NALCN: variants seen among roughly 807,000 people sequenced by gnomAD.
NALCN encodes sodium leak channel, non-selective, also known as sodium leak channel NALCN.
NALCN carries 111 observed loss-of-function variants against 225.3 expected under a neutral mutation model. The observed-to-expected ratio is 0.49, with a 90% CI of 0.42 to 0.58. The LOEUF is 0.58. Among genes scored for constraint, NALCN ranks in the 20% least tolerant of loss-of-function variants. The probability of loss-of-function intolerance (pLI) is 0.00; values close to 1 mark genes in which losing one functional copy is unlikely to be tolerated. For missense variants in NALCN, 1,378 were observed against 2,202.4 expected (o/e 0.63, Z 7.49); for synonymous variants, 764 against 769.0 (o/e 0.99, Z 0.11).
chr13:101,301,465 G>A (rs1242642804), intron 7 of NALCN, among the ~76,000 whole-genome samples: 3 of 152,330 alleles, frequency 2.0e-5, no homozygotes, highest in East Asian at 1.9e-4. Flanking sequence ...GCTCATGCCT[G>A]TAATTCCAGC....
At position 101,355,376 on chromosome 13, in the gene NALCN, A is replaced by AG. The variant is rs1245915802; in HGVS notation, c.645-9957_645-9956insC. 2.6e-5 allele frequency among the ~76,000 whole-genome samples: 4 copies of AG among 151,922 alleles called. No homozygotes were observed. In the East Asian group the frequency reaches 7.7e-4, roughly 29 times the overall value. ...GACCTACCAAGCAAATGGAAAGAAAAAAAAAAATCAGGGGTTGCAATCCTA... is the reference window on the plus strand; with the variant it reads ...GACCTACCAAGCAAATGGAAAGAAAAGAAAAAAATCAGGGGTTGCAATCCTA... On this transcript the variant is annotated intron_variant, in intron 6 of 43. Coordinates refer to ENST00000251127, the MANE Select transcript of NALCN (RefSeq NM_052867.4).
chr13:101,071,671 A>G (rs1010184261), intron 37 of NALCN, among the ~76,000 whole-genome samples: 2 of 152,178 alleles, frequency 1.3e-5, no homozygotes, highest in African/African-American at 2.4e-5. Flanking sequence ...TTTTTTCTCC[A>G]TATCAGCCAT....
At chr13:101,113,289 G>A (rs2035541740) in intron 18 of NALCN, among the ~76,000 whole-genome samples, 3 of 152,312 alleles carry the variant, frequency 2.0e-5, no homozygotes, top group African/African-American at 7.2e-5. Flanking sequence ...GGTGGATGCA[G>A]GAGCAAGGCA....
intron 28 of NALCN, among the ~76,000 whole-genome samples, chr13:101,093,737 T>A (rs2139567831): frequency 6.6e-6 from 1 of 152,346 alleles, no homozygotes; most frequent in Middle Eastern, 3.4e-3. Context: ...CAGCTCCCTG[T>A]CTGAATTCTT....
At chr13:101,231,538 A>C (rs1230670504) in intron 12 of NALCN, among the ~76,000 whole-genome samples, 1 of 152,174 alleles carries the variant, frequency 6.6e-6, no homozygotes, top group Admixed American at 6.5e-5. Flanking sequence ...CTAAGAAATA[A>C]AAAAATGCTG....
At position 101,415,303 on chromosome 13, in the gene NALCN, C is replaced by T. The variant is rs569854083; in HGVS notation, c.-40+1010G>A. Among the ~76,000 whole-genome samples the T allele has an allele frequency of 7.9e-5, 12 of 151,114 alleles. No individual in the cohort carries two copies. The South Asian group carries it at 1.7e-3, about 21-fold the overall frequency. ...AGGTGTTATCCACCAACTACTAACA[C>T]GAAGGTCACTGGTCCTCAACCCACA... On this transcript the variant is annotated intron_variant, in intron 1 of 43. Transcript: ENST00000251127.
chr13:101,396,592 C>T (rs2047300297), intron 2 of NALCN, among the ~76,000 whole-genome samples: 1 of 152,008 alleles, frequency 6.6e-6, no homozygotes, highest in Non-Finnish European at 1.5e-5. Context: ...AGATATTTTG[C>T]TGCTAATTCC....
intron 13 of NALCN, among the ~76,000 whole-genome samples, chr13:101,211,335 T>C (rs2140076295): frequency 6.6e-6 from 1 of 152,046 alleles, no homozygotes; most frequent in African/African-American, 2.4e-5. Context: ...CCTGAAAGAG[T>C]ACTCTTCTAG....
At chr13:101,388,738 T>A (rs1000278772) in intron 3 of NALCN, among the ~76,000 whole-genome samples, 1 of 152,242 alleles carries the variant, frequency 6.6e-6, no homozygotes, top group East Asian at 1.9e-4. Flanking sequence ...CTTTATTTAA[T>A]GACTTAAAAA....
chr13:101,256,751 T>C lies in NALCN; in HGVS notation c.1266+1692A>G, dbSNP rs554219525. Among the ~76,000 whole-genome samples the C allele has an allele frequency of 5.2e-4, 74 of 142,170 alleles. 2 individuals are homozygous for C. Among genetic ancestry groups the C allele is most frequent in the African/African-American group, 1.8e-3 (71 of 39,884 alleles). 93.3% of individuals were successfully genotyped at this position (142,170 alleles called of 152,430 possible). ...TTACCTGCAAATATTAGTATCAGTC[T>C]AGGCTTCTTTCTGCTTTTTTTTTTT... On this transcript the variant is annotated intron_variant, in intron 11 of 43. Coordinates refer to ENST00000251127, the MANE Select transcript of NALCN (RefSeq NM_052867.4).
chr13:101,188,899 G>A (rs2039565147), intron 14 of NALCN, among the ~76,000 whole-genome samples: 2 of 152,020 alleles, frequency 1.3e-5, no homozygotes, highest in African/African-American at 2.4e-5. Context: ...TGTTGGCCAG[G>A]CTGATCTTTA....
intron 7 of NALCN, among the ~76,000 whole-genome samples, chr13:101,323,294 C>A (rs941335121): frequency 6.6e-6 from 1 of 152,068 alleles, no homozygotes; most frequent in Non-Finnish European, 1.5e-5. Context: ...TAATTACAGA[C>A]CTTAGCCATT....
At chr13:101,260,518 C>T (rs1052427603) in intron 10 of NALCN, among the ~76,000 whole-genome samples, 5 of 152,178 alleles carry the variant, frequency 3.3e-5, no homozygotes, top group Admixed American at 3.3e-4. Flanking sequence ...TTCTTCGCAT[C>T]CTCACCAGCA....
chr13:101,201,842 CA>C (rs34299216), intron 13 of NALCN, among the ~76,000 whole-genome samples: 5 of 152,034 alleles, frequency 3.3e-5, no homozygotes, highest in Non-Finnish European at 5.9e-5. Flanking sequence ...TCTTTCTCTA[CA>C]AAAAAAGTTG....
chr13:101,120,039 A>T (rs1410059426), intron 18 of NALCN, among the ~76,000 whole-genome samples: 1 of 152,236 alleles, frequency 6.6e-6, no homozygotes, highest in Non-Finnish European at 1.5e-5. Context: ...ATGATTATAC[A>T]TAGAAATGGG....
intron 17 of NALCN, among the ~76,000 whole-genome samples, chr13:101,138,488 A>G (rs989533425): frequency 2.6e-5 from 4 of 152,236 alleles, no homozygotes; most frequent in African/African-American, 9.6e-5. Flanking sequence ...GTTCATTATT[A>G]TGTGGGCTCT....
At chr13:101,124,055 A>G (rs2036111603) in intron 18 of NALCN, among the ~76,000 whole-genome samples, 1 of 152,220 alleles carries the variant, frequency 6.6e-6, no homozygotes, top group Admixed American at 6.5e-5. Flanking sequence ...ATGTTACTCC[A>G]TAATATAACA....
intron 10 of NALCN, among the ~76,000 whole-genome samples, chr13:101,280,360 G>A (rs2043126999): frequency 6.6e-6 from 1 of 152,084 alleles, no homozygotes; most frequent in African/African-American, 2.4e-5. Context: ...CTCATATAGG[G>A]GTCTCTGAGA....
chr13:101,252,470 A>C (rs554226301), intron 11 of NALCN, among the ~76,000 whole-genome samples: 2 of 152,298 alleles, frequency 1.3e-5, no homozygotes, highest in Admixed American at 1.3e-4. Context: ...AACAAAAAGC[A>C]AGTGAAGATG....
Sources: allele counts gnomAD v4.1 joint callset (sites outside exome capture counted in the v4.1 genomes callset), GRCh38; gene constraint gnomAD v4.1.1; transcripts MANE v1.5; gene names NCBI Gene and HGNC (gene_info 2026-07-23, HGNC 2026-07-21).